Variants in TRPC3 observed in about 807,000 individuals in gnomAD.
TRPC3 encodes the protein short transient receptor potential channel 3.
In TRPC3, 54 loss-of-function variants were observed where a neutral mutation model predicts 90.9. The ratio of observed to expected loss-of-function variants is 0.59; its 90% CI spans 0.48 to 0.75. The LOEUF (loss-of-function observed/expected upper bound fraction) is 0.75, where lower values mean the gene tolerates loss of function less well. Among genes scored for constraint, TRPC3 ranks in the 30% least tolerant of loss-of-function variants. The pLI is 0.00. For missense variants in TRPC3, 918 were observed against 1,194.5 expected (o/e 0.77, Z 3.41); for synonymous variants, 424 against 450.9 (o/e 0.94, Z 0.75).
At chr4:121,939,381 C>T (rs914240795) in intron 1 of TRPC3, among the ~76,000 whole-genome samples, 2 of 152,124 alleles carry the variant, frequency 1.3e-5, no homozygotes, top group African/African-American at 4.8e-5. Flanking sequence ...TTCCTTTATT[C>T]CTCTAATTCA....
In TRPC3 at chr4:121,879,825, C is replaced by G; in HGVS notation, c.2677G>C (p.Glu893Gln). 1 of 1,607,396 alleles carries G rather than the reference C, an allele frequency of 6.2e-7. No homozygotes were observed. The highest frequency in any genetic ancestry group is 1.3e-5 in the African/African-American group (1 of 74,666). ...TCCTCAGTTGCTTGGCTCTTGTCTT[C>G]CAAAAGTTCATAACGAAGGCTGGAG... ...DISSLRYELL[E>Q]DKSQATEELA... Residue 893 changes from glutamate (E) to glutamine (Q), a missense_variant, in exon 12 of 12, where the codon GAA (glutamate) becomes CAA (glutamine). Glu to Gln is a conservative substitution (Grantham distance 29). This residue lies in a region of TRPC3 where 41 missense variants were observed against 69.4 expected (regional missense o/e 0.59). Coordinates refer to ENST00000379645, the MANE Select transcript of TRPC3 (RefSeq NM_001130698.2).
chr4:121,907,889 T>A (rs561331624), intron 6 of TRPC3, among the ~76,000 whole-genome samples: 72 of 152,228 alleles, frequency 4.7e-4, no homozygotes, highest in African/African-American at 1.7e-3. Context: ...ACAAAACAAC[T>A]GACTTGACTG....
intron 1 of TRPC3, among the ~76,000 whole-genome samples, chr4:121,943,747 A>G (rs1172705097): frequency 2.6e-5 from 4 of 152,146 alleles, no homozygotes; most frequent in Non-Finnish European, 4.4e-5. Context: ...ATTAGAATAA[A>G]GGAATCTGGT....
intron 10 of TRPC3, among the ~76,000 whole-genome samples, chr4:121,889,175 CA>C (rs1295405895): frequency 6.6e-6 from 1 of 152,112 alleles, no homozygotes; most frequent in African/African-American, 2.4e-5. Flanking sequence ...GTGTAAGACT[CA>C]AAATGATAAA....
At chr4:121,950,254 C>T (rs796157041) in intron 1 of TRPC3, among the ~76,000 whole-genome samples, 35 of 152,244 alleles carry the variant, frequency 2.3e-4, no homozygotes, top group African/African-American at 7.7e-4. Context: ...CCAGCCTGAC[C>T]AGGCGCAGAC....
chr4:121,896,049 T>C (rs1012857226), intron 10 of TRPC3, among the ~76,000 whole-genome samples: 3 of 152,086 alleles, frequency 2.0e-5, no homozygotes, highest in African/African-American at 7.2e-5. Flanking sequence ...ATACATCACA[T>C]CAACAGAATG....
chr4:121,920,821 T>C (rs1409286726), intron 3 of TRPC3, among the ~76,000 whole-genome samples: 1 of 152,238 alleles, frequency 6.6e-6, no homozygotes, highest in East Asian at 1.9e-4. Context: ...CCTTACAAAT[T>C]TGTTTGAGTT....
At chr4:121,914,687 T>C (rs890859610) in intron 4 of TRPC3, 93 bp downstream of exon 4, 10 of 1,304,422 alleles carry the variant, frequency 7.7e-6, no homozygotes, top group Non-Finnish European at 1.0e-5. Context: ...AGGGTAAAAC[T>C]GATAAGATTC....
intron 1 of TRPC3, among the ~76,000 whole-genome samples, chr4:121,943,995 T>A (rs1182221135): frequency 6.6e-6 from 1 of 152,156 alleles, no homozygotes; most frequent in African/African-American, 2.4e-5. Context: ...AAAATGCTAT[T>A]AACAATCCTA....
intron 11 of TRPC3, among the ~76,000 whole-genome samples, chr4:121,880,578 G>T (rs1727909456): frequency 6.6e-6 from 1 of 152,122 alleles, no homozygotes; most frequent in Non-Finnish European, 1.5e-5. Context: ...CAGTTTGGCA[G>T]TATTTTGAGC....
chr4:121,927,111 T>C (rs527798222), intron 2 of TRPC3, among the ~76,000 whole-genome samples: 16 of 152,338 alleles, frequency 1.1e-4, no homozygotes, highest in African/African-American at 3.4e-4. Context: ...AATATATCAC[T>C]GTATGTAACT....
At chr4:121,887,904 A>C (rs1728185478) in intron 10 of TRPC3, among the ~76,000 whole-genome samples, 1 of 152,178 alleles carries the variant, frequency 6.6e-6, no homozygotes, top group African/African-American at 2.4e-5. Flanking sequence ...CGCCCAGTTA[A>C]AAAAAATTCT....
chr4:121,951,442 G>C lies in TRPC3; in HGVS notation c.215+24C>G. ...CCCGGCACCGCCCTCCGAGGCGCGGGCCGCGGCCGGGCCCGGTACTCACAG... is the reference window on the plus strand; with the variant it reads ...CCCGGCACCGCCCTCCGAGGCGCGGCCCGCGGCCGGGCCCGGTACTCACAG... On this transcript the variant is annotated intron_variant, in intron 1 of 11. Transcript: ENST00000379645. This position sits in a 1 kb window ranked among gnomAD's most constrained non-coding sequence, Gnocchi z 4.4. The C allele has an allele frequency of 8.4e-7, 1 of 1,192,156 alleles. No homozygotes were observed. Among genetic ancestry groups the C allele is most frequent in the Middle Eastern group, 3.3e-4 (1 of 2,988 alleles). The allele number at this position is 1,192,156 out of a possible 1,614,324, so 73.8% of individuals were successfully genotyped here. A position where few individuals can be genotyped will look rare whatever the true frequency, so the allele number is the denominator to read the frequency against.
rs552788039 is a variant in TRPC3 at position 121,928,251 on chromosome 4, G to A, written c.988-3045C>T. 1.3e-5 allele frequency among the ~76,000 whole-genome samples: 2 copies of A among 152,312 alleles called. 1 individual carries two copies. Among genetic ancestry groups the A allele is most frequent in the East Asian group, 3.9e-4 (2 of 5,190 alleles). On this transcript the variant is annotated intron_variant, in intron 2 of 11. Coordinates refer to ENST00000379645, the MANE Select transcript of TRPC3 (RefSeq NM_001130698.2). Reference sequence around the variant, plus strand: ...AAAGATCAATAAAGATAAAAAAACTGATAATCAAACATGTTGCAAGGACAG... The same window carrying A: ...AAAGATCAATAAAGATAAAAAAACTAATAATCAAACATGTTGCAAGGACAG...
chr4:121,893,937 AAC>A (rs1217367514), intron 10 of TRPC3, among the ~76,000 whole-genome samples: 1 of 152,206 alleles, frequency 6.6e-6, no homozygotes, highest in Non-Finnish European at 1.5e-5. Context: ...AACCTTTGGT[AAC>A]ACACTGTTTG....
At position 121,879,540 on chromosome 4, in the gene TRPC3, T is replaced by A; in HGVS notation, c.*196A>T. On this transcript the variant is annotated 3_prime_UTR_variant, in exon 12 of 12. Coordinates refer to ENST00000379645, the MANE Select transcript of TRPC3 (RefSeq NM_001130698.2). ...TTTTCAACACAATGGTATGCCACTG[T>A]AATGTCAAAGCAGACAAATAAAATG... 1 of 564,268 alleles carries A rather than the reference T, an allele frequency of 1.8e-6. No homozygotes were observed. The highest frequency in any genetic ancestry group is 3.0e-6 in the Non-Finnish European group (1 of 338,864). The allele number at this position is 564,268 out of a possible 1,614,324, so 35.0% of individuals were successfully genotyped here.
chr4:121,905,549 A>T (rs948697430), intron 7 of TRPC3, among the ~76,000 whole-genome samples: 7 of 152,160 alleles, frequency 4.6e-5, no homozygotes, highest in Non-Finnish European at 1.0e-4. Context: ...ACCAAATTGT[A>T]ATCACTAGTG....
At chr4:121,918,299 T>A (rs1729389525) in intron 3 of TRPC3, among the ~76,000 whole-genome samples, 1 of 152,202 alleles carries the variant, frequency 6.6e-6, no homozygotes, top group Non-Finnish European at 1.5e-5. Context: ...AGTCTCTCCA[T>A]CTCAGGCATT....
chr4:121,935,096 C>A (rs1331636336), intron 1 of TRPC3, among the ~76,000 whole-genome samples: 1 of 152,154 alleles, frequency 6.6e-6, no homozygotes, highest in Admixed American at 6.5e-5. Flanking sequence ...GGGGGACTTT[C>A]ACTTTTTACT....
Sources: gnomAD v4.1 joint callset for allele counts (sites outside exome capture counted in the v4.1 genomes callset) on GRCh38, gnomAD v4.1.1 for gene constraint, gnomAD v4.1.1 regional missense constraint, Gnocchi (gnomAD v3.1) non-coding constraint, MANE v1.5 for transcripts, NCBI Gene and HGNC (gene_info 2026-07-23, HGNC 2026-07-21) for gene names.